The following GRM7 variants were observed in gnomAD, a reference collection of about 807,000 sequenced individuals.
GRM7 encodes the protein metabotropic glutamate receptor 7.
A neutral mutation model predicts 84.5 loss-of-function variants in GRM7; 35 were observed. That is an observed-to-expected ratio of 0.41 (90% confidence interval 0.32 to 0.55). The LOEUF (loss-of-function observed/expected upper bound fraction) is 0.55. Ranked by LOEUF, GRM7 falls within the 20% of genes least tolerant of loss-of-function variation. The pLI is 0.19. For synonymous variants in GRM7, 487 were observed against 455.1 expected (o/e 1.07, Z -0.89); for missense variants, 1,003 against 1,194.6 (o/e 0.84, Z 2.36).
At chr3:7,588,303 G>A (rs1695617101) in intron 8 of GRM7, among the ~76,000 whole-genome samples, 1 of 152,144 alleles carries the variant, frequency 6.6e-6, no homozygotes, top group Non-Finnish European at 1.5e-5. Flanking sequence ...AGAGTTCAGG[G>A]CACATGCCAC....
At chr3:7,196,757 C>A (rs990344850) in intron 2 of GRM7, among the ~76,000 whole-genome samples, 1 of 152,062 alleles carries the variant, frequency 6.6e-6, no homozygotes, top group Non-Finnish European at 1.5e-5. Flanking sequence ...TATGGCTTGG[C>A]ATATTTATAA....
chr3:7,442,039 A>G (rs1471974714), intron 5 of GRM7, among the ~76,000 whole-genome samples: 1 of 151,904 alleles, frequency 6.6e-6, no homozygotes, highest in African/African-American at 2.4e-5. Flanking sequence ...GTAGTTGGGT[A>G]GAAATAGCAT....
At chr3:7,606,482 A>G (rs780258713) in intron 8 of GRM7, among the ~76,000 whole-genome samples, 9 of 152,170 alleles carry the variant, frequency 5.9e-5, no homozygotes, top group Admixed American at 2.0e-4. Flanking sequence ...AGAAAGTCAT[A>G]CAATTGTGGA....
intron 8 of GRM7, among the ~76,000 whole-genome samples, chr3:7,593,155 C>A (rs944296337): frequency 2.0e-5 from 3 of 152,176 alleles, no homozygotes; most frequent in Non-Finnish European, 4.4e-5. Flanking sequence ...GAGATCATTG[C>A]TTCTGGCAAT....
rs181999101 is a variant in GRM7 at position 6,882,130 on chromosome 3, A to G, written c.519+20223A>G. On this transcript the variant is annotated intron_variant, in intron 1 of 9. Transcript: ENST00000357716. ...GAAAGAAATTATTCCAAGATCTCCA[A>G]TTCTTTGAAAGGTATAGCATACCTA... Among the ~76,000 whole-genome samples, 91 of 152,182 alleles carry G rather than the reference A, an allele frequency of 6.0e-4. 2 individuals are homozygous for G. The highest frequency in any genetic ancestry group is 5.4e-3 in the Admixed American group (82 of 15,280).
At chr3:7,553,277 C>T (rs1184397289) in intron 7 of GRM7, among the ~76,000 whole-genome samples, 1 of 152,154 alleles carries the variant, frequency 6.6e-6, no homozygotes, top group Non-Finnish European at 1.5e-5. Flanking sequence ...CTTCATTGTC[C>T]ATATCACTGT....
intron 2 of GRM7, among the ~76,000 whole-genome samples, chr3:7,232,476 G>A (rs534092401): frequency 5.9e-5 from 9 of 152,168 alleles, no homozygotes; most frequent in African/African-American, 2.2e-4. Context: ...AGATGGAAGT[G>A]GGAGGAAATG....
chr3:7,391,895 A>G (rs1002075629), intron 4 of GRM7, among the ~76,000 whole-genome samples: 28 of 152,056 alleles, frequency 1.8e-4, no homozygotes, highest in African/African-American at 6.8e-4. Flanking sequence ...AGCAAACTCA[A>G]CCATCTTAGC....
chr3:7,072,635 G>T (rs766855344), intron 1 of GRM7, among the ~76,000 whole-genome samples: 1 of 151,934 alleles, frequency 6.6e-6, no homozygotes, highest in Non-Finnish European at 1.5e-5. Context: ...GCAGTGAGCC[G>T]TTGAACACAC....
intron 4 of GRM7, among the ~76,000 whole-genome samples, chr3:7,358,587 C>T (rs1470740448): frequency 6.7e-6 from 1 of 148,248 alleles, no homozygotes; most frequent in Non-Finnish European, 1.5e-5. Flanking sequence ...TGAGAAGTCC[C>T]GAAATAAGTG....
At chr3:7,599,811 G>C (rs928108977) in intron 8 of GRM7, among the ~76,000 whole-genome samples, 1 of 151,960 alleles carries the variant, frequency 6.6e-6, no homozygotes, top group African/African-American at 2.4e-5. Flanking sequence ...CTGTTGATTC[G>C]GGAGCACAAA....
chr3:6,948,401 T>G (rs976781652), intron 1 of GRM7, among the ~76,000 whole-genome samples: 1 of 152,358 alleles, frequency 6.6e-6, no homozygotes, highest in African/African-American at 2.4e-5. Flanking sequence ...CTAGTTTGAT[T>G]GCACTGTGGT....
chr3:7,356,471 T>G (rs1693408401), intron 4 of GRM7, among the ~76,000 whole-genome samples: 1 of 151,916 alleles, frequency 6.6e-6, no homozygotes, highest in Admixed American at 6.6e-5. Context: ...CTGGTTAATT[T>G]TTGCATTTTT....
rs547392466 is a variant in GRM7, at chr3:7,552,837, C to T, written c.1516-25585C>T. 3.0e-4 allele frequency among the ~76,000 whole-genome samples: 45 copies of T among 152,314 alleles called. No homozygotes were observed. In the South Asian group the frequency reaches 6.2e-3, roughly 21 times the overall value. ...GAAGTTGCTGTGAAGACCTCTGACA[C>T]GCCCTGGAAACATTTTCCACATTGT... On this transcript the variant is annotated intron_variant, in intron 7 of 9. Coordinates refer to ENST00000357716, the MANE Select transcript of GRM7 (RefSeq NM_000844.4).
intron 4 of GRM7, among the ~76,000 whole-genome samples, chr3:7,397,149 GTAAC>G (rs990075598): frequency 6.6e-6 from 1 of 152,066 alleles, no homozygotes; most frequent in Admixed American, 6.6e-5. Flanking sequence ...GTGTGAATGA[GTAAC>G]TAAATAAACA....
chr3:6,934,251 C>A (rs1697608174), intron 1 of GRM7, among the ~76,000 whole-genome samples: 1 of 152,060 alleles, frequency 6.6e-6, no homozygotes, highest in Non-Finnish European at 1.5e-5. Context: ...ATGGATGAGC[C>A]ATAAGAAAAT....
chr3:7,707,119 G>T (rs1212620198), intron 9 of GRM7, among the ~76,000 whole-genome samples: 2 of 152,082 alleles, frequency 1.3e-5, no homozygotes, highest in Non-Finnish European at 2.9e-5. Context: ...ATTAACTGAG[G>T]TTACATTCTA....
chr3:7,391,082 T>C (rs1412338604), intron 4 of GRM7, among the ~76,000 whole-genome samples: 1 of 152,032 alleles, frequency 6.6e-6, no homozygotes, highest in Non-Finnish European at 1.5e-5. Context: ...GTGGTGTATA[T>C]TGTATATGAT....
At chr3:7,704,371 C>G (rs749089092) in intron 9 of GRM7, among the ~76,000 whole-genome samples, 2 of 152,128 alleles carry the variant, frequency 1.3e-5, no homozygotes, top group Non-Finnish European at 2.9e-5. Flanking sequence ...TGATGATACT[C>G]TCTTCAAATT....
Sources: gnomAD v4.1 joint callset for allele counts (sites outside exome capture counted in the v4.1 genomes callset) on GRCh38, gnomAD v4.1.1 for gene constraint, MANE v1.5 for transcripts, NCBI Gene and HGNC (gene_info 2026-07-23, HGNC 2026-07-21) for gene names.